RIN3: variants seen among roughly 807,000 people sequenced by gnomAD.
The protein encoded by RIN3 is Ras and Rab interactor 3, also known as RAB5 interacting protein 3.
A neutral mutation model predicts 76.3 loss-of-function variants in RIN3; 54 were observed. That is an observed-to-expected ratio of 0.71 (90% CI 0.57 to 0.89). The LOEUF is 0.89. RIN3 is among the 40% of genes least tolerant of loss of function. The pLI is 0.00. For synonymous variants in RIN3, 576 were observed against 564.0 expected, an observed-to-expected ratio of 1.02 and a Z score of -0.30; for missense variants, 1,256 against 1,322.1, an observed-to-expected ratio of 0.95 and a Z score of 0.78.
chr14:92,550,449 T>C (rs1897392748), intron 1 of RIN3, among the ~76,000 whole-genome samples: 1 of 152,200 alleles, frequency 6.6e-6, no homozygotes, highest in African/African-American at 2.4e-5. Context: ...GGTCTTGTTC[T>C]GTTACCCAGG....
rs1180094699 is a variant in RIN3, at chr14:92,614,657, G to A, written c.368-750G>A. Among the ~76,000 whole-genome samples, 3 of 151,838 alleles carry A rather than the reference G, an allele frequency of 2.0e-5. No homozygotes were observed. In the South Asian group the frequency reaches 6.2e-4, roughly 32 times the overall value. Reference sequence around the variant, plus strand: ...TCTCCTGGTAGTGAATAAGGCTCACGAGATCTGATGGCTTTATAAGGGGAA... The same window carrying A: ...TCTCCTGGTAGTGAATAAGGCTCACAAGATCTGATGGCTTTATAAGGGGAA... On this transcript the variant is annotated intron_variant, in intron 3 of 9. Coordinates refer to ENST00000216487, the MANE Select transcript of RIN3 (RefSeq NM_024832.5).
chr14:92,610,213 T>A (rs2140098118), intron 3 of RIN3, among the ~76,000 whole-genome samples: 1 of 152,216 alleles, frequency 6.6e-6, no homozygotes, highest in Non-Finnish European at 1.5e-5. Flanking sequence ...CACTGAACTG[T>A]ACACTTAAAA....
intron 1 of RIN3, among the ~76,000 whole-genome samples, chr14:92,525,905 C>T (rs1419172333): frequency 2.6e-5 from 4 of 152,144 alleles, no homozygotes; most frequent in African/African-American, 9.7e-5. Flanking sequence ...GGGTCCCTGG[C>T]TGGCTGAAGG....
intron 8 of RIN3, among the ~76,000 whole-genome samples, chr14:92,683,398 G>A (rs1566903993): frequency 6.6e-6 from 1 of 152,224 alleles, no homozygotes; most frequent in East Asian, 1.9e-4. Flanking sequence ...TCTAAAATGA[G>A]GAGCTTACCA....
At chr14:92,632,638 G>A (rs1886628299) in intron 4 of RIN3, among the ~76,000 whole-genome samples, 1 of 152,214 alleles carries the variant, frequency 6.6e-6, no homozygotes. Context: ...GCAAGCCCCA[G>A]CTGCTTCTGC....
In RIN3 at chr14:92,681,374, C is replaced by T. The variant is rs958632848; in HGVS notation, c.2468-3613C>T. On this transcript the variant is annotated intron_variant, in intron 8 of 9. Coordinates refer to ENST00000216487, the MANE Select transcript of RIN3 (RefSeq NM_024832.5). The surrounding 1 kb of genome is among the most constrained non-coding windows in gnomAD (Gnocchi z 4.7). Reference sequence around the variant, plus strand: ...CAGTAGGGCGTGGCTGCTCCCCTTTCACCTGCGAGGGTGAGACACCCCCAG... The same window carrying T: ...CAGTAGGGCGTGGCTGCTCCCCTTTTACCTGCGAGGGTGAGACACCCCCAG... Among the ~76,000 whole-genome samples the T allele has an allele frequency of 2.0e-5, 3 of 152,240 alleles. No individual in the cohort carries two copies. Among genetic ancestry groups the T allele is most frequent in the Admixed American group, 6.5e-5 (1 of 15,280 alleles).
At chr14:92,582,456 TTTTTTC>T (rs1884587430) in intron 3 of RIN3, among the ~76,000 whole-genome samples, 1 of 134,542 alleles carries the variant, frequency 7.4e-6, no homozygotes, top group Non-Finnish European at 1.6e-5. Flanking sequence ...TTTTTTTTTT[TTTTTTC>T]CCTGAGATGG....
rs183699121 is a variant in RIN3 at position 92,674,615 on chromosome 14, G to A, written c.2336-1860G>A. Among the ~76,000 whole-genome samples, 38 of 152,116 alleles carry A rather than the reference G, an allele frequency of 2.5e-4. No individual in the cohort carries two copies. The East Asian group carries it at 2.5e-3, about 10-fold the overall frequency. On this transcript the variant is annotated intron_variant, in intron 7 of 9. Transcript: ENST00000216487. ...TGAAACCCTGTCTCAAAGGCCGGGCGCTGTGGCTCACACCTGTAATCCCAG... is the reference window on the plus strand; with the variant it reads ...TGAAACCCTGTCTCAAAGGCCGGGCACTGTGGCTCACACCTGTAATCCCAG...
chr14:92,603,285 C>T (rs958614698), intron 3 of RIN3, among the ~76,000 whole-genome samples: 1 of 152,134 alleles, frequency 6.6e-6, no homozygotes, highest in African/African-American at 2.4e-5. Flanking sequence ...TGCTTTTTTT[C>T]AGCACATTTT....
At chr14:92,564,817 C>T (rs1897872977) in intron 2 of RIN3, among the ~76,000 whole-genome samples, 1 of 152,098 alleles carries the variant, frequency 6.6e-6, no homozygotes, top group South Asian at 2.1e-4. Context: ...AGGAAACGCG[C>T]ACACACACGC....
intron 7 of RIN3, among the ~76,000 whole-genome samples, chr14:92,669,109 TATTC>T (rs1221069433): frequency 6.6e-6 from 1 of 152,218 alleles, no homozygotes; most frequent in Non-Finnish European, 1.5e-5. Flanking sequence ...TGATAACTGA[TATTC>T]ATTCATGCTT....
At chr14:92,609,871 GTGTGTGTGTGTGTGTA>G (rs201629143) in intron 3 of RIN3, among the ~76,000 whole-genome samples, 4,994 of 76,426 alleles carry the variant, frequency 0.065, 124 homozygotes, top group African/African-American at 0.075. Context: ...GTGTGTGTGT[GTGTGTGTGTGTGTGTA>G]TGTATGTGTG....
rs548764934 is a variant in RIN3, at chr14:92,524,022, G to A, written c.44+10046G>A. Among the ~76,000 whole-genome samples, 81 of 152,178 alleles carry A rather than the reference G, an allele frequency of 5.3e-4. 1 individual carries two copies. The highest frequency in any genetic ancestry group is 9.4e-4 in the Non-Finnish European group (64 of 68,012). ...AGACTGGGCAACACAGCAAGACCCC[G>A]TCTCTACAAAAAATTTTATAAATGA... is the stretch of plus-strand genomic sequence containing the variant. On this transcript the variant is annotated intron_variant, in intron 1 of 9. Transcript: ENST00000216487.
intron 8 of RIN3, 129 bp downstream of exon 8, chr14:92,676,735 G>T: frequency 2.0e-6 from 2 of 986,570 alleles, no homozygotes; most frequent in South Asian, 1.5e-5. Context: ...ACCCATGGAT[G>T]CAAATGTGAA....
chr14:92,661,760 A>ACACACAC (rs1419895576), intron 7 of RIN3, among the ~76,000 whole-genome samples: 5,826 of 127,718 alleles, frequency 0.046, 266 homozygotes, highest in African/African-American at 0.12. Flanking sequence ...CACACACACA[A>ACACACAC]AAAATAGAAT....
intron 6 of RIN3, among the ~76,000 whole-genome samples, chr14:92,657,659 T>A (rs7142276): frequency 0.015 from 2,027 of 138,906 alleles, 53 homozygotes; most frequent in African/African-American, 0.047. Context: ...GAAGTTCAAG[T>A]CCCTGCTCCC....
chr14:92,514,099 T>TA lies in RIN3; in HGVS notation c.44+124dup. ...CGTGACCTCGGGGTTGTCGGGCTGA[T>TA]ACGGGACCCCCACCGTGGCCGAGGC... is the stretch of plus-strand genomic sequence containing the variant. On this transcript the variant is annotated intron_variant, in intron 1 of 9. Coordinates refer to ENST00000216487, the MANE Select transcript of RIN3 (RefSeq NM_024832.5). This position sits in a 1 kb window ranked among gnomAD's most constrained non-coding sequence, Gnocchi z 7.2. 1.5e-6 allele frequency: 1 copy of TA among 669,994 alleles called. No homozygotes were observed. The highest frequency in any genetic ancestry group is 3.5e-5 in the East Asian group (1 of 28,572). The allele number at this position is 669,994 out of a possible 1,614,324, so 41.5% of individuals were successfully genotyped here.
At chr14:92,547,760 G>A (rs1897322683) in intron 1 of RIN3, among the ~76,000 whole-genome samples, 1 of 152,070 alleles carries the variant, frequency 6.6e-6, no homozygotes, top group Non-Finnish European at 1.5e-5. Context: ...CTGGAGTGCA[G>A]TGGCACCATC....
At chr14:92,673,726 G>A (rs1028017646) in intron 7 of RIN3, among the ~76,000 whole-genome samples, 1 of 152,182 alleles carries the variant, frequency 6.6e-6, no homozygotes, top group Non-Finnish European at 1.5e-5. Context: ...GGTCGATCTC[G>A]AACTCCTGAC....
Sources: allele counts gnomAD v4.1 joint callset (sites outside exome capture counted in the v4.1 genomes callset), GRCh38; gene constraint gnomAD v4.1.1; non-coding constraint Gnocchi (gnomAD v3.1); transcripts MANE v1.5; gene names NCBI Gene and HGNC (gene_info 2026-07-23, HGNC 2026-07-21).